The following C11orf97 variants were observed in gnomAD, a reference collection of about 807,000 sequenced individuals.
C11orf97 encodes the protein uncharacterized protein C11orf97.
A neutral mutation model predicts 16.2 loss-of-function variants in C11orf97; 15 were observed. That is an observed-to-expected ratio of 0.93 (90% CI 0.62 to 1.43). C11orf97 has a LOEUF of 1.43. C11orf97 is among the 40% of genes most tolerant of loss of function. C11orf97 has a pLI of 0.00. For synonymous variants in C11orf97, 61 were observed against 65.7 expected (o/e 0.93, Z 0.34); for missense variants, 171 against 161.2 (o/e 1.06, Z -0.33).
At chr11:94,519,655 T>C (rs628079) in intron 2 of C11orf97, among the ~76,000 whole-genome samples, 85,690 of 152,132 alleles carry the variant, frequency 0.56, 24,368 homozygotes, top group African/African-American at 0.58. Context: ...CTGTCTGGGC[T>C]GCTTTTTAAA....
At chr11:94,515,491 A>C (rs895782982) in intron 1 of C11orf97, among the ~76,000 whole-genome samples, 7 of 152,054 alleles carry the variant, frequency 4.6e-5, no homozygotes, top group African/African-American at 1.4e-4. Context: ...GCTATGGTAG[A>C]GTTTGTAGAA....
At position 94,528,217 on chromosome 11, in the gene C11orf97, C is replaced by T; in HGVS notation, c.376+8C>T. ...GGCACGGAGGACTCAGAAGTAAGAC[C>T]CTGATGCCCTTGACTTCCACTGAAG... On this transcript the variant is annotated splice_region_variant and intron_variant, in intron 3 of 3. Transcript: ENST00000542198. 1.3e-6 allele frequency: 2 copies of T among 1,529,056 alleles called. No homozygotes were observed. The highest frequency in any genetic ancestry group is 1.7e-6 in the Non-Finnish European group (2 of 1,144,516). 94.7% of individuals were successfully genotyped at this position (1,529,056 alleles called of 1,614,324 possible).
chr11:94,514,927 G>A (rs1163130629), intron 1 of C11orf97, among the ~76,000 whole-genome samples: 1 of 152,106 alleles, frequency 6.6e-6, no homozygotes, highest in Admixed American at 6.5e-5. Context: ...TTACAGGCAT[G>A]AGCCACCGCG....
chr11:94,512,779 G>A, intron 1 of C11orf97, 106 bp downstream of exon 1: 11 of 1,166,968 alleles, frequency 9.4e-6, no homozygotes, highest in African/African-American at 1.6e-5. Context: ...AAGGTTTGGG[G>A]CAGGGGAGGT....
chr11:94,517,451 C>A (rs912362501), intron 1 of C11orf97, 132 bp from the exon 2 acceptor site: 2 of 479,022 alleles, frequency 4.2e-6, no homozygotes, highest in African/African-American at 4.0e-5. Context: ...ATAGAGCCTT[C>A]AGGGCAAATT....
intron 3 of C11orf97, among the ~76,000 whole-genome samples, chr11:94,531,143 G>C (rs1161899415): frequency 1.4e-4 from 21 of 152,156 alleles, no homozygotes; most frequent in Admixed American, 1.4e-3. Context: ...AGCATCTACT[G>C]CTTTCATCAC....
At chr11:94,525,146 T>C (rs1947690139) in intron 2 of C11orf97, among the ~76,000 whole-genome samples, 1 of 152,182 alleles carries the variant, frequency 6.6e-6, no homozygotes, top group Admixed American at 6.5e-5. Flanking sequence ...TTTATTGTAT[T>C]GTTTATTTTA....
At position 94,512,591 on chromosome 11, in the gene C11orf97, G is replaced by A; in HGVS notation, c.63G>A (p.Glu21=). ...TGGCGCCCAAGGCGGGTCGCGAAGAGGAGCAGCCTCCTCCGCCAGCAGGGC... is the reference window on the plus strand; with the variant it reads ...TGGCGCCCAAGGCGGGTCGCGAAGAAGAGCAGCCTCCTCCGCCAGCAGGGC... ...AVVAPKAGRE[E]EQPPPPAGLG... The change falls in exon 1 of 4, where the codon GAG becomes GAA. Residue 21 remains glutamate (E), a synonymous_variant. Coordinates refer to ENST00000542198, the MANE Select transcript of C11orf97 (RefSeq NM_001190462.2). 7.8e-7 allele frequency: 1 copy of A among 1,283,372 alleles called. No individual in the cohort carries two copies. Among genetic ancestry groups the A allele is most frequent in the South Asian group, 2.4e-5 (1 of 41,010 alleles). 79.5% of individuals were successfully genotyped at this position (1,283,372 alleles called of 1,614,324 possible).
intron 2 of C11orf97, among the ~76,000 whole-genome samples, chr11:94,521,415 C>T (rs1356167904): frequency 6.6e-6 from 1 of 152,236 alleles, no homozygotes; most frequent in Non-Finnish European, 1.5e-5. Flanking sequence ...CCATGAGCCG[C>T]AGCTTCTAGT....
intron 2 of C11orf97, among the ~76,000 whole-genome samples, chr11:94,521,879 A>G (rs139647141): frequency 9.1e-4 from 138 of 152,274 alleles, no homozygotes; most frequent in African/African-American, 3.0e-3. Context: ...TGCAGTGGAT[A>G]CTGTTCTGCC....
chr11:94,522,006 T>G (rs576458581), intron 2 of C11orf97, among the ~76,000 whole-genome samples: 18 of 152,324 alleles, frequency 1.2e-4, no homozygotes, highest in African/African-American at 3.8e-4. Context: ...TCTACTTCTT[T>G]CTCATCCTCT....
chr11:94,521,568 G>A lies in C11orf97; in HGVS notation c.250+3881G>A, dbSNP rs78692620. ...GATAGGTTTTTCAGGATGTAACTCCGTCGTAAGTCGAGGAGGATCCATATT... is the reference window on the plus strand; with the variant it reads ...GATAGGTTTTTCAGGATGTAACTCCATCGTAAGTCGAGGAGGATCCATATT... On this transcript the variant is annotated intron_variant, in intron 2 of 3. Transcript: ENST00000542198. Among the ~76,000 whole-genome samples, 1,458 of 152,152 alleles carry A rather than the reference G, an allele frequency of 9.6e-3. 25 individuals are homozygous for A. The highest frequency in any genetic ancestry group is 0.033 in the African/African-American group (1,380 of 41,500).
At chr11:94,524,586 G>GAAAA (rs56304137) in intron 2 of C11orf97, among the ~76,000 whole-genome samples, 25,146 of 115,044 alleles carry the variant, frequency 0.22, 3,742 homozygotes, top group Non-Finnish European at 0.29. Flanking sequence ...ACCTCATCCT[G>GAAAA]AAAAAAAAAA....
chr11:94,521,485 G>A (rs1947656848), intron 2 of C11orf97, among the ~76,000 whole-genome samples: 1 of 152,218 alleles, frequency 6.6e-6, no homozygotes, highest in Non-Finnish European at 1.5e-5. Flanking sequence ...AAGCTATGAT[G>A]TTTGGCAGGT....
chr11:94,516,854 G>C (rs676521), intron 1 of C11orf97, among the ~76,000 whole-genome samples: 43,410 of 152,070 alleles, frequency 0.29, 6,748 homozygotes, highest in African/African-American at 0.41. Flanking sequence ...TGAACAGAAG[G>C]GCCATGTGTC....
At chr11:94,524,676 A>G (rs1947686080) in intron 2 of C11orf97, among the ~76,000 whole-genome samples, 1 of 151,330 alleles carries the variant, frequency 6.6e-6, no homozygotes, top group South Asian at 2.1e-4. Flanking sequence ...AACTTTCTGG[A>G]TAAGGAAGAA....
At chr11:94,512,944 AACACACACAC>A (rs10560506) in intron 1 of C11orf97, among the ~76,000 whole-genome samples, 2 of 150,662 alleles carry the variant, frequency 1.3e-5, no homozygotes, top group African/African-American at 2.4e-5. Flanking sequence ...GAAAGGAATT[AACACACACAC>A]ACACACACAC....
intron 3 of C11orf97, among the ~76,000 whole-genome samples, 164 bp downstream of exon 3, chr11:94,528,373 G>C (rs1016451486): frequency 6.6e-6 from 1 of 152,144 alleles, no homozygotes; most frequent in East Asian, 1.9e-4. Context: ...TGTGATTATG[G>C]AACTCAAACC....
Position 94,529,915 on chromosome 11 carries a change from A to G in C11orf97, c.376+1706A>G, listed in dbSNP as rs116249722. Among the ~76,000 whole-genome samples, 402 of 152,318 alleles carry G rather than the reference A, an allele frequency of 2.6e-3. 2 individuals are homozygous for G. The highest frequency in any genetic ancestry group is 8.1e-3 in the African/African-American group (338 of 41,572). On this transcript the variant is annotated intron_variant, in intron 3 of 3. Coordinates refer to ENST00000542198, the MANE Select transcript of C11orf97 (RefSeq NM_001190462.2). ...TGCCTATTGGAAGCTATTTATCTCA[A>G]CTTTCCACTCAATTTCTTAGGTTCC...
Sources: allele counts gnomAD v4.1 joint callset (sites outside exome capture counted in the v4.1 genomes callset), GRCh38; gene constraint gnomAD v4.1.1; transcripts MANE v1.5; gene names NCBI Gene and HGNC (gene_info 2026-07-23, HGNC 2026-07-21).